The following IFT172 variants were observed in gnomAD, a reference collection of about 807,000 sequenced individuals.
IFT172 encodes the protein intraflagellar transport 172.
In IFT172, 164 loss-of-function variants were observed where a neutral mutation model predicts 248.9. The ratio of observed to expected loss-of-function variants is 0.66; its 90% CI spans 0.58 to 0.75. The LOEUF is 0.75. IFT172 is among the 30% of genes least tolerant of loss of function. The probability of loss-of-function intolerance (pLI) is 0.00; values close to 1 mark genes in which losing one functional copy is unlikely to be tolerated. For synonymous variants in IFT172, 729 were observed against 791.6 expected, an observed-to-expected ratio of 0.92 and a Z score of 1.33; for missense variants, 1,950 against 2,192.4, an observed-to-expected ratio of 0.89 and a Z score of 2.21.
intron 22 of IFT172, 24 bp from the exon 23 acceptor site, chr2:27,461,117 A>C: frequency 6.2e-7 from 1 of 1,614,122 alleles, no homozygotes; most frequent in Non-Finnish European, 8.5e-7. Context: ...CCACATTACT[A>C]TGATACCCCT....
chr2:27,467,798 T>G (rs143365275), intron 16 of IFT172, among the ~76,000 whole-genome samples: 94 of 151,974 alleles, frequency 6.2e-4, no homozygotes, highest in African/African-American at 2.0e-3. Flanking sequence ...CTAAGAAACT[T>G]CCAAGAGTGA....
At chr2:27,462,147 C>T (rs780109) in intron 20 of IFT172, among the ~76,000 whole-genome samples, 70,209 of 151,924 alleles carry the variant, frequency 0.46, 17,650 homozygotes, top group African/African-American at 0.66. Flanking sequence ...ATTCTCCCAC[C>T]TCAGCCTCCC....
At chr2:27,473,653 G>A (rs1245736478) in intron 14 of IFT172, among the ~76,000 whole-genome samples, 1 of 151,850 alleles carries the variant, frequency 6.6e-6, no homozygotes, top group Non-Finnish European at 1.5e-5. Context: ...TAGAATCAGA[G>A]TTCTAGAGTG....
intron 1 of IFT172, among the ~76,000 whole-genome samples, chr2:27,488,710 G>T (rs924258795): frequency 6.6e-6 from 1 of 152,142 alleles, no homozygotes; most frequent in African/African-American, 2.4e-5. Context: ...CCCTAAAGTT[G>T]CTATTAGTAC....
intron 40 of IFT172, among the ~76,000 whole-genome samples, chr2:27,448,347 C>A (rs1665357760): frequency 6.6e-6 from 1 of 152,216 alleles, no homozygotes. Context: ...AATCCGCCTG[C>A]CTCGGCCTCC....
chr2:27,489,452 C>T (rs1669005846), intron 1 of IFT172, among the ~76,000 whole-genome samples, 163 bp downstream of exon 1: 1 of 152,230 alleles, frequency 6.6e-6, no homozygotes. Context: ...AGCCCTGCAT[C>T]TCGCCTCCTG....
chr2:27,480,181 T>C, intron 8 of IFT172, 32 bp from the exon 9 acceptor site: 1 of 1,604,944 alleles, frequency 6.2e-7, no homozygotes, highest in Non-Finnish European at 8.5e-7. Context: ...TTAGAAGAGA[T>C]TGAGGCTGAG....
chr2:27,485,188 G>GA, intron 2 of IFT172, 58 bp from the exon 3 acceptor site: 1 of 1,445,438 alleles, frequency 6.9e-7, no homozygotes, highest in Non-Finnish European at 9.5e-7. Context: ...ACATGAAAGA[G>GA]AAAAGAGAAA....
At position 27,449,329 on chromosome 2, in the gene IFT172, G is replaced by A; in HGVS notation, c.4276C>T (p.Gln1426Ter). 6.2e-7 allele frequency: 1 copy of A among 1,614,124 alleles called. No homozygotes were observed. Among genetic ancestry groups the A allele is most frequent in the Non-Finnish European group, 8.5e-7 (1 of 1,180,016 alleles). Reference protein sequence around the residue: ...AALDLYVEQGQWDKCIETATK... With the variant: ...AALDLYVEQG ...GCTGTTTCAATGCACTTGTCCCACT[G>A]GCCCTGCTCCACATACAGGTCCAAA... Residue 1426 changes from glutamine to a stop codon, truncating the protein, a stop_gained, in exon 39 of 48, where the codon CAG becomes TAG. Transcript: ENST00000260570. LOFTEE classifies it high-confidence loss of function.
At chr2:27,449,863 C>T in intron 36 of IFT172, 63 bp from the exon 37 acceptor site, 2 of 1,451,054 alleles carry the variant, frequency 1.4e-6, no homozygotes, top group Non-Finnish European at 1.9e-6. Flanking sequence ...ACTGTGAGCT[C>T]TCCCATCTGT....
chr2:27,479,909 G>T, intron 9 of IFT172, 117 bp downstream of exon 9: 1 of 1,358,532 alleles, frequency 7.4e-7, no homozygotes, highest in Non-Finnish European at 9.8e-7. Context: ...TTTAGGTCAG[G>T]GTCAAAAGGA....
In IFT172 at chr2:27,465,533, A is replaced by C; in HGVS notation, c.1830-15T>G. 6.2e-7 allele frequency: 1 copy of C among 1,611,654 alleles called. No individual in the cohort carries two copies. Among genetic ancestry groups the C allele is most frequent in the African/African-American group, 1.3e-5 (1 of 74,978 alleles). On this transcript the variant is annotated splice_polypyrimidine_tract_variant and intron_variant, in intron 17 of 47. Transcript: ENST00000260570. ...AGGCTGTTGCCCTGGAAAGGGAAGGAAGCAAAGCATAATGAATGAGGAATG... is the reference window on the plus strand; with the variant it reads ...AGGCTGTTGCCCTGGAAAGGGAAGGCAGCAAAGCATAATGAATGAGGAATG...
At chr2:27,483,964 A>C (rs747281585) in intron 4 of IFT172, 27 bp from the exon 5 acceptor site, 1 of 1,605,834 alleles carries the variant, frequency 6.2e-7, no homozygotes, top group South Asian at 1.1e-5. Flanking sequence ...AATGAAAAGG[A>C]TAACCCCATC....
In IFT172 at chr2:27,445,420, C is replaced by G. The variant is rs1664978966; in HGVS notation, c.4944G>C (p.Trp1648Cys). The part of the protein sequence containing the change: ...PEAEREEVRD[W>C]VLTVSMDQRL... ...GCTGGTCCATGGAGACTGTAAGCAC[C>G]CAGTCTCGAACCTCTTCTCTCTCAG... is the stretch of plus-strand genomic sequence containing the variant. The change falls in exon 46 of 48, where the codon TGG (tryptophan) becomes TGC (cysteine). Residue 1648 changes from tryptophan (W) to cysteine (C), a missense_variant. Physicochemically the swap from Trp to Cys is radical, Grantham distance 215 (BLOSUM62 -2). Transcript: ENST00000260570. This position sits in a 1 kb window ranked among gnomAD's most constrained non-coding sequence, Gnocchi z 4.4. 2 of 1,611,842 alleles carry G rather than the reference C, an allele frequency of 1.2e-6. No individual in the cohort carries two copies. Among genetic ancestry groups the G allele is most frequent in the Middle Eastern group, 1.7e-4 (1 of 5,902 alleles).
At position 27,445,167 on chromosome 2, in the gene IFT172, G is replaced by A. The variant is rs1458478712; in HGVS notation, c.5069-62C>T. Reference sequence around the variant, plus strand: ...GAGAGATTGAGGAGGGAAAAATGAGGAGCAGCCTGGGGGGTAGAAAGCACA... The same window carrying A: ...GAGAGATTGAGGAGGGAAAAATGAGAAGCAGCCTGGGGGGTAGAAAGCACA... On this transcript the variant is annotated intron_variant, in intron 46 of 47. Transcript: ENST00000260570. The surrounding 1 kb of genome is among the most constrained non-coding windows in gnomAD (Gnocchi z 4.4). 2 of 1,604,938 alleles carry A rather than the reference G, an allele frequency of 1.2e-6. No individual in the cohort carries two copies. Among genetic ancestry groups the A allele is most frequent in the African/African-American group, 1.3e-5 (1 of 74,644 alleles).
Position 27,445,720 on chromosome 2 carries a change from CG to C in IFT172, c.4914+24del, listed in dbSNP as rs750660947. ...AGGCACTCACACTGGTGAGGCCTTC[CG>C]GTTTTCCAACCCTGTGCCCTTACCG... On this transcript the variant is annotated intron_variant, in intron 45 of 47. Coordinates refer to ENST00000260570, the MANE Select transcript of IFT172 (RefSeq NM_015662.3). This position sits in a 1 kb window ranked among gnomAD's most constrained non-coding sequence, Gnocchi z 4.4. The C allele has an allele frequency of 5.0e-6, 8 of 1,613,376 alleles. No homozygotes were observed. In the South Asian group the frequency reaches 8.8e-5, roughly 18 times the overall value.
At chr2:27,469,557 C>T (rs1250540313) in intron 16 of IFT172, among the ~76,000 whole-genome samples, 2 of 152,136 alleles carry the variant, frequency 1.3e-5, no homozygotes, top group South Asian at 2.1e-4. Flanking sequence ...TCAGGCAGGG[C>T]GTGGTGGCTC....
At chr2:27,481,975 C>T (rs548655056) in intron 7 of IFT172, among the ~76,000 whole-genome samples, 2 of 151,288 alleles carry the variant, frequency 1.3e-5, no homozygotes, top group South Asian at 2.1e-4. Context: ...CAGTATTATA[C>T]GAATAATTCT....
rs777060370 is a variant in IFT172 at position 27,483,292 on chromosome 2, T to A, written c.567A>T (p.Ser189=). The part of the protein sequence containing the change: ...YFFDDEGSGE[S]QGKLVNHPCP... Reference sequence around the variant, plus strand: ...CCACAACATTCTTTATTCATACCTGTGACTCTCCAGAGCCTTCATCATCAA... The same window carrying A: ...CCACAACATTCTTTATTCATACCTGAGACTCTCCAGAGCCTTCATCATCAA... The change falls in exon 7 of 48, where the codon TCA becomes TCT. Residue 189 remains serine (S), a synonymous_variant. Transcript: ENST00000260570. The A allele has an allele frequency of 6.4e-7, 1 of 1,557,256 alleles. No individual in the cohort carries two copies. The highest frequency in any genetic ancestry group is 2.2e-5 in the East Asian group (1 of 44,624).
Sources: allele counts gnomAD v4.1 joint callset (sites outside exome capture counted in the v4.1 genomes callset), GRCh38; gene constraint gnomAD v4.1.1; non-coding constraint Gnocchi (gnomAD v3.1); transcripts MANE v1.5; gene names NCBI Gene and HGNC (gene_info 2026-07-23, HGNC 2026-07-21).